Variants in MAF observed in about 807,000 individuals in gnomAD.
MAF encodes MAF bZIP transcription factor.
MAF carries 10 observed loss-of-function variants against 22.0 expected under a neutral mutation model. The ratio of observed to expected loss-of-function variants is 0.45; its 90% CI spans 0.28 to 0.77. The LOEUF is 0.77. Ranked by LOEUF, MAF falls within the 30% of genes least tolerant of loss-of-function variation. The pLI is 0.12. For synonymous variants in MAF, 337 were observed against 255.8 expected, an observed-to-expected ratio of 1.32 and a Z score of -3.03; for missense variants, 544 against 548.4, an observed-to-expected ratio of 0.99 and a Z score of 0.08.
the MAF span, among the ~76,000 whole-genome samples, chr16:79,580,062 C>A: frequency 6.3e-3 from 963 of 152,212 alleles, 9 homozygotes; most frequent in African/African-American, 0.022. Context: ...ATTATTTCCC[C>A]CCTCTCTTGA....
At chr16:79,487,854 C>G in the MAF span, among the ~76,000 whole-genome samples, 7 of 152,288 alleles carry the variant, frequency 4.6e-5, no homozygotes, top group African/African-American at 1.7e-4. Context: ...GTAAACAGCT[C>G]TGCTTTCATC....
chr16:79,456,130 C>A, the MAF span, among the ~76,000 whole-genome samples: 3 of 152,158 alleles, frequency 2.0e-5, no homozygotes, highest in Admixed American at 1.3e-4. Context: ...CATGTCTCTA[C>A]CATCTGCAAT....
At chr16:79,420,263 G>A in the MAF span, among the ~76,000 whole-genome samples, 1 of 152,314 alleles carries the variant, frequency 6.6e-6, no homozygotes, top group Admixed American at 6.5e-5. Context: ...CAAAATGTGT[G>A]TCACGTTATA....
chr16:79,585,987 C>A (rs1397325684), intron 1 of MAF: 1 of 658,560 alleles, frequency 1.5e-6, no homozygotes, highest in South Asian at 1.7e-5. Context: ...AATTAATAAC[C>A]ACGAAGAATG....
chr16:79,444,951 A>T, the MAF span, among the ~76,000 whole-genome samples: 1 of 151,604 alleles, frequency 6.6e-6, no homozygotes, highest in Admixed American at 6.6e-5. Context: ...TGCTACGTGT[A>T]TGTGAGAGTG....
the MAF span, among the ~76,000 whole-genome samples, chr16:79,213,561 T>A: frequency 2.0e-5 from 3 of 152,150 alleles, no homozygotes; most frequent in African/African-American, 7.2e-5. Context: ...GGAAAGTGCT[T>A]TGCACTGGGG....
chr16:79,350,580 C>A, the MAF span, among the ~76,000 whole-genome samples: 3 of 152,180 alleles, frequency 2.0e-5, no homozygotes, highest in Non-Finnish European at 2.9e-5. Flanking sequence ...ATGCATCCCT[C>A]CAGGCCCCAC....
the MAF span, among the ~76,000 whole-genome samples, chr16:79,471,886 G>T: frequency 6.6e-6 from 1 of 152,154 alleles, no homozygotes; most frequent in Non-Finnish European, 1.5e-5. Context: ...CTTTTACCAG[G>T]TGATATGAGT....
At chr16:79,443,872 G>C in the MAF span, among the ~76,000 whole-genome samples, 1 of 150,888 alleles carries the variant, frequency 6.6e-6, no homozygotes, top group Admixed American at 6.6e-5. Context: ...AAAAACACAC[G>C]GAATATGTCC....
the MAF span, among the ~76,000 whole-genome samples, chr16:79,347,294 C>T: frequency 1.3e-5 from 2 of 152,198 alleles, no homozygotes; most frequent in Non-Finnish European, 2.9e-5. Flanking sequence ...TCCCTCTATG[C>T]AGGGCTCTTG....
At chr16:79,596,302 G>T in intron 1 of MAF, 1 of 1,059,348 alleles carries the variant, frequency 9.4e-7, no homozygotes, top group Non-Finnish European at 1.1e-6. Context: ...ATTAAATATT[G>T]CTAATCAGTA....
the MAF span, among the ~76,000 whole-genome samples, chr16:79,308,405 C>A: frequency 1.3e-5 from 2 of 152,152 alleles, no homozygotes; most frequent in Non-Finnish European, 2.9e-5. Flanking sequence ...TATCACTTAA[C>A]AGCCTGTGTG....
the MAF span, chr16:79,264,613 G>A: frequency 6.6e-6 from 1 of 152,096 alleles, no homozygotes; most frequent in Non-Finnish European, 1.5e-5. Flanking sequence ...TGCTGCTTTT[G>A]CTGAGTCAGA....
chr16:79,376,858 AT>A, the MAF span, among the ~76,000 whole-genome samples: 3 of 152,126 alleles, frequency 2.0e-5, no homozygotes, highest in African/African-American at 7.2e-5. Flanking sequence ...TGAACTCATC[AT>A]TTTTTATGGC....
the MAF span, among the ~76,000 whole-genome samples, chr16:79,371,772 G>T: frequency 1.3e-5 from 2 of 152,198 alleles, no homozygotes; most frequent in Admixed American, 6.5e-5. Flanking sequence ...CCACCGTTCA[G>T]ACTAGAATGT....
intron 1 of MAF, chr16:79,595,070 C>T: frequency 3.8e-6 from 4 of 1,043,808 alleles, no homozygotes; most frequent in Non-Finnish European, 4.6e-6. Context: ...TTGTTAAAAG[C>T]ATTCTCTCCA....
the MAF span, among the ~76,000 whole-genome samples, chr16:79,389,989 A>AAG: frequency 2.0e-5 from 3 of 150,976 alleles, no homozygotes; most frequent in African/African-American, 7.3e-5. Flanking sequence ...AAAAAAAAAA[A>AAG]AAAAAAAAAA....
At chr16:79,212,271 C>A in the MAF span, 5 of 1,218,946 alleles carry the variant, frequency 4.1e-6, no homozygotes, top group Non-Finnish European at 5.5e-6. Flanking sequence ...TTCATTCATC[C>A]TGACCAAGAC....
the MAF span, among the ~76,000 whole-genome samples, chr16:79,462,496 C>G: frequency 6.6e-6 from 1 of 152,214 alleles, no homozygotes; most frequent in Non-Finnish European, 1.5e-5. Context: ...CCCTCCTCAT[C>G]TGGTCTCTGA....
Sources: allele counts gnomAD v4.1 joint callset (sites outside exome capture counted in the v4.1 genomes callset), GRCh38; gene constraint gnomAD v4.1.1; transcripts MANE v1.5; gene names NCBI Gene and HGNC (gene_info 2026-07-23, HGNC 2026-07-21).